CCDC180: variants seen among roughly 807,000 people sequenced by gnomAD.
CCDC180 encodes the protein coiled-coil domain-containing protein 180.
In CCDC180, 154 loss-of-function variants were observed where a neutral mutation model predicts 209.2. The observed-to-expected ratio is 0.74, with a 90% CI of 0.65 to 0.84. The LOEUF is 0.84. Ranked by LOEUF, CCDC180 falls within the 40% of genes least tolerant of loss-of-function variation. The pLI is 0.00. For synonymous variants in CCDC180, 778 were observed against 749.1 expected (o/e 1.04, Z -0.63); for missense variants, 1,874 against 1,997.3 (o/e 0.94, Z 1.18).
At chr9:97,364,005 C>A (rs372422257) in intron 28 of CCDC180, 46 bp from the exon 29 acceptor site, 11 of 1,574,684 alleles carry the variant, frequency 7.0e-6, no homozygotes, top group Non-Finnish European at 8.7e-6. Context: ...ACCTGCCTTG[C>A]GTCTGTCCAC....
chr9:97,348,483 A>C (rs1437143386), intron 20 of CCDC180, among the ~76,000 whole-genome samples: 2 of 152,168 alleles, frequency 1.3e-5, no homozygotes, highest in Non-Finnish European at 2.9e-5. Flanking sequence ...TGTGGAAAAC[A>C]AGGCCAGAGA....
intron 29 of CCDC180, chr9:97,365,343 AG>A (rs1826887165): frequency 1.2e-5 from 3 of 244,780 alleles, no homozygotes; most frequent in South Asian, 1.3e-4. Context: ...TTAATCAGCC[AG>A]TCACACAAAT....
Position 97,328,115 on chromosome 9 carries a change from A to G in CCDC180, c.1757A>G (p.Gln586Arg). The G allele has an allele frequency of 6.2e-7, 1 of 1,614,042 alleles. No homozygotes were observed. The highest frequency in any genetic ancestry group is 8.5e-7 in the Non-Finnish European group (1 of 1,179,932). ...AACTCCTACAGCTCTGCCCTCAGCC[A>G]ATACTTCTTTGTGCGTGAAATCTTT... Reference protein sequence around the residue: ...ELNSYSSALSQYFFVREIFEQ... With the variant: ...ELNSYSSALSRYFFVREIFEQ... Residue 586 changes from glutamine to arginine, a missense_variant, in exon 16 of 37, where the codon CAA (glutamine) becomes CGA (arginine). By Grantham distance (43) the Gln-to-Arg change is conservative. Coordinates refer to ENST00000529487, the MANE Select transcript of CCDC180 (RefSeq NM_020893.6).
intron 29 of CCDC180, 32 bp downstream of exon 29, chr9:97,364,160 T>C (rs1199547917): frequency 1.2e-6 from 2 of 1,605,676 alleles, no homozygotes; most frequent in East Asian, 4.5e-5. Flanking sequence ...TTTGACTGCA[T>C]TTAACCTGTT....
chr9:97,350,464 A>G lies in CCDC180; in HGVS notation c.2911A>G (p.Thr971Ala). The G allele has an allele frequency of 1.3e-6, 2 of 1,536,124 alleles. No individual in the cohort carries two copies. The highest frequency in any genetic ancestry group is 2.4e-5 in the South Asian group (2 of 84,048). ...HQELLSYVDV[T>A]QVSLRSFRQY... ...GGAGTTGCTTAGCTATGTTGATGTC[A>G]CCCAGGTGTCCCTGCGCAGCTTCCG... The change falls in exon 22 of 37, where the codon ACC becomes GCC. Residue 971 changes from threonine to alanine, a missense_variant. Thr to Ala is a moderately conservative substitution (Grantham distance 58). Coordinates refer to ENST00000529487, the MANE Select transcript of CCDC180 (RefSeq NM_020893.6).
At chr9:97,312,379 G>A (rs889939898) in intron 4 of CCDC180, among the ~76,000 whole-genome samples, 178 bp downstream of exon 4, 33 of 102,786 alleles carry the variant, frequency 3.2e-4, no homozygotes, top group Non-Finnish European at 7.9e-4. Flanking sequence ...GTCCTCCCCT[G>A]TGCAGAGAGC....
At chr9:97,360,171 G>A in intron 26 of CCDC180, 70 bp downstream of exon 26, 1 of 1,572,338 alleles carries the variant, frequency 6.4e-7, no homozygotes, top group South Asian at 1.2e-5. Context: ...AGACCTGCAG[G>A]GCTCAGTAGA....
intron 18 of CCDC180, among the ~76,000 whole-genome samples, chr9:97,336,625 A>G (rs1397090214): frequency 1.3e-5 from 2 of 152,218 alleles, no homozygotes; most frequent in Non-Finnish European, 2.9e-5. Flanking sequence ...CTTTTTGCTT[A>G]GGATTGTCTT....
Position 97,338,492 on chromosome 9 carries a change from T to C in CCDC180, c.2275-4848T>C, listed in dbSNP as rs144084646. On this transcript the variant is annotated intron_variant, in intron 18 of 36. Transcript: ENST00000529487. The stretch of plus-strand genomic sequence containing the variant: ...CGGTTTTGAGTGAGTTTCTTAATCC[T>C]GAGTTCTGATTTGATTGCACTGTGG... Among the ~76,000 whole-genome samples the C allele has an allele frequency of 7.6e-3, 1,165 of 152,366 alleles. 24 individuals carry two copies. Among genetic ancestry groups the C allele is most frequent in the African/African-American group, 0.027 (1,109 of 41,596 alleles).
chr9:97,373,935 G>A (rs1206806881), intron 34 of CCDC180: 4 of 152,388 alleles, frequency 2.6e-5, no homozygotes, highest in African/African-American at 9.7e-5. Flanking sequence ...GCCTTGCAAG[G>A]AACCCCTGAG....
At position 97,376,774 on chromosome 9, in the gene CCDC180, A is replaced by G. The variant is rs764473170; in HGVS notation, c.4854A>G (p.Ala1618=). Residue 1618 remains alanine, a synonymous_variant, in exon 37 of 37, where the codon GCA becomes GCG. Transcript: ENST00000529487. ...TACCTTCCTTCTAGAAATATTTAGC[A>G]TCATTTGAGGAGGAGCTAAAGAGGA... The part of the protein sequence containing the change: ...ARDAVYLKYL[A]SFEEELKRIQ... 6.8e-6 allele frequency: 11 copies of G among 1,613,270 alleles called. No individual in the cohort carries two copies. The highest frequency in any genetic ancestry group is 2.2e-5 in the South Asian group (2 of 91,038).
rs753637752 is a variant in CCDC180, at chr9:97,318,446, A to C, written c.960-17A>C. On this transcript the variant is annotated splice_polypyrimidine_tract_variant and intron_variant, in intron 9 of 36. Transcript: ENST00000529487. ...TCCTCCTCTCCCCTTTATGGTGCCA[A>C]CATGTCTGGCCACCAGTGAGTTCAT... 3 of 1,612,720 alleles carry C rather than the reference A, an allele frequency of 1.9e-6. No homozygotes were observed. The South Asian group carries it at 3.3e-5, about 18-fold the overall frequency.
chr9:97,320,468 A>C (rs922289099), intron 11 of CCDC180, among the ~76,000 whole-genome samples: 1 of 152,112 alleles, frequency 6.6e-6, no homozygotes, highest in Non-Finnish European at 1.5e-5. Context: ...GATGGCTCTG[A>C]TACCCTCTTT....
At chr9:97,315,572 T>C (rs1833143205) in intron 8 of CCDC180, among the ~76,000 whole-genome samples, 1 of 152,208 alleles carries the variant, frequency 6.6e-6, no homozygotes, top group Non-Finnish European at 1.5e-5. Flanking sequence ...GTCTAACTCC[T>C]CTGCTGCTAG....
At chr9:97,314,585 G>T in intron 6 of CCDC180, 33 bp from the exon 7 acceptor site, 1 of 1,613,438 alleles carries the variant, frequency 6.2e-7, no homozygotes, top group Non-Finnish European at 8.5e-7. Flanking sequence ...GCCTCCCACC[G>T]GCTCCTAGCC....
At position 97,330,172 on chromosome 9, in the gene CCDC180, A is replaced by C. The variant is rs374342987; in HGVS notation, c.1807A>C (p.Ile603Leu). Residue 603 changes from isoleucine (I) to leucine (L), a missense_variant, in exon 17 of 37, where the codon ATT (isoleucine) becomes CTT (leucine). Physicochemically the swap from Ile to Leu is conservative, Grantham distance 5. Transcript: ENST00000529487. ...CTTGTAGAACTTGGCTGGAGAAGTC[A>C]TTTTCAAATTCAGGCAACCAGGTAA... ...IFEQNLAGEV[I>L]FKFRQPEAHE... 4 of 1,613,608 alleles carry C rather than the reference A, an allele frequency of 2.5e-6. No individual in the cohort carries two copies. The highest frequency in any genetic ancestry group is 2.2e-5 in the East Asian group (1 of 44,860).
chr9:97,345,484 T>C (rs941251348), intron 19 of CCDC180: 1 of 366,064 alleles, frequency 2.7e-6, no homozygotes, highest in Non-Finnish European at 5.2e-6. Flanking sequence ...TTAAAAATAC[T>C]CATTGGGCCA....
At chr9:97,340,100 C>T (rs4742686) in intron 18 of CCDC180, among the ~76,000 whole-genome samples, 30,625 of 152,086 alleles carry the variant, frequency 0.2, 3,405 homozygotes, top group East Asian at 0.39. Flanking sequence ...GCATTAGGTT[C>T]GAACATCCTC....
intron 20 of CCDC180, among the ~76,000 whole-genome samples, chr9:97,347,937 G>A (rs927429112): frequency 6.6e-6 from 1 of 152,032 alleles, no homozygotes; most frequent in Non-Finnish European, 1.5e-5. Flanking sequence ...CTGCAGAAGG[G>A]GTTGATAGAA....
Sources: gnomAD v4.1 joint callset for allele counts (sites outside exome capture counted in the v4.1 genomes callset) on GRCh38, gnomAD v4.1.1 for gene constraint, MANE v1.5 for transcripts, NCBI Gene and HGNC (gene_info 2026-07-23, HGNC 2026-07-21) for gene names.